Variants in SLC25A24 observed in about 807,000 individuals in gnomAD.
SLC25A24 encodes solute carrier family 25 member 24, also known as mitochondrial adenyl nucleotide antiporter SLC25A24.
In SLC25A24, 49 loss-of-function variants were observed where a neutral mutation model predicts 60.7. The observed-to-expected ratio is 0.81, with a 90% CI of 0.64 to 1.02. The LOEUF is 1.02. Among genes scored for constraint, SLC25A24 ranks in the 50% least tolerant of loss-of-function variants. SLC25A24 has a pLI of 0.00. For missense variants in SLC25A24, 564 were observed against 586.3 expected (o/e 0.96, Z 0.39); for synonymous variants, 202 against 200.6 (o/e 1.01, Z -0.06).
chr1:108,145,437 T>C (rs909003126), intron 7 of SLC25A24, among the ~76,000 whole-genome samples: 2 of 152,230 alleles, frequency 1.3e-5, no homozygotes, highest in African/African-American at 4.8e-5. Flanking sequence ...TTTGTCAATT[T>C]TGGCTTTTGT....
rs1558031912 is a variant in SLC25A24, at chr1:108,200,319, C to G, written c.-181G>C. On this transcript the variant is annotated 5_prime_UTR_variant, in exon 1 of 10. Transcript: ENST00000565488. Reference sequence around the variant, plus strand: ...AGGGCGCAGGAGCGGAGACCCCACCCGAGCCCGCGCGGAGCGCAGGGTGTG... The same window carrying G: ...AGGGCGCAGGAGCGGAGACCCCACCGGAGCCCGCGCGGAGCGCAGGGTGTG... 4 of 393,920 alleles carry G rather than the reference C, an allele frequency of 1.0e-5. No homozygotes were observed. Among genetic ancestry groups the G allele is most frequent in the Non-Finnish European group, 1.7e-5 (4 of 240,930 alleles). The allele number at this position is 393,920 out of a possible 1,614,324, so 24.4% of individuals were successfully genotyped here.
At chr1:108,161,875 C>T (rs1367377583) in intron 3 of SLC25A24, among the ~76,000 whole-genome samples, 1 of 151,542 alleles carries the variant, frequency 6.6e-6, no homozygotes, top group South Asian at 2.1e-4. Flanking sequence ...TATACATGTG[C>T]CTTGCTGGTG....
At chr1:108,150,413 A>G (rs1679724950) in intron 6 of SLC25A24, among the ~76,000 whole-genome samples, 1 of 152,168 alleles carries the variant, frequency 6.6e-6, no homozygotes, top group African/African-American at 2.4e-5. Flanking sequence ...TACAGAACTG[A>G]ACCTTCCTAA....
intron 3 of SLC25A24, among the ~76,000 whole-genome samples, chr1:108,162,194 T>C (rs557086332): frequency 6.6e-6 from 1 of 152,060 alleles, no homozygotes; most frequent in South Asian, 2.1e-4. Flanking sequence ...AGTCTATCAT[T>C]GTTGGACATT....
chr1:108,160,085 G>A (rs561717525), intron 4 of SLC25A24, among the ~76,000 whole-genome samples: 3,994 of 151,362 alleles, frequency 0.026, 189 homozygotes, highest in African/African-American at 0.093. Flanking sequence ...GTGGCTGGCC[G>A]GGCGGGGGGC....
At chr1:108,157,010 C>A (rs1413307813) in intron 5 of SLC25A24, among the ~76,000 whole-genome samples, 1 of 152,218 alleles carries the variant, frequency 6.6e-6, no homozygotes, top group Non-Finnish European at 1.5e-5. Flanking sequence ...CCCAATGCTA[C>A]ACTGCTAGTA....
intron 7 of SLC25A24, among the ~76,000 whole-genome samples, chr1:108,144,064 G>A (rs1329861820): frequency 6.6e-6 from 1 of 152,144 alleles, no homozygotes; most frequent in East Asian, 1.9e-4. Context: ...AACACAGGAT[G>A]GGGCAGTGGG....
At chr1:108,167,044 C>A (rs1027459676) in intron 3 of SLC25A24, among the ~76,000 whole-genome samples, 5 of 145,754 alleles carry the variant, frequency 3.4e-5, no homozygotes, top group Non-Finnish European at 7.5e-5. Context: ...GTTGGAGTAA[C>A]CGGCTGTGTG....
chr1:108,190,549 A>G (rs1320612661), intron 1 of SLC25A24, among the ~76,000 whole-genome samples: 1 of 152,106 alleles, frequency 6.6e-6, no homozygotes, highest in African/African-American at 2.4e-5. Flanking sequence ...ATTTTTATTT[A>G]TGGTCTGACC....
chr1:108,148,309 T>C lies in SLC25A24; in HGVS notation c.900A>G (p.Ala300=). 1 of 1,612,230 alleles carries C rather than the reference T, an allele frequency of 6.2e-7. No individual in the cohort carries two copies. The highest frequency in any genetic ancestry group is 8.5e-7 in the Non-Finnish European group (1 of 1,178,252). ...TTGGATATATAAAAGTCTGTGCAGTTGCTCCAGCCATGGAACCAGAAATAA... is the reference window on the plus strand; with the variant it reads ...TTGGATATATAAAAGTCTGTGCAGTCGCTCCAGCCATGGAACCAGAAATAA... ...ERFISGSMAG[A]TAQTFIYPME... is the part of the protein sequence containing the mutation. Residue 300 remains alanine (A), a synonymous_variant, in exon 7 of 10, where the codon GCA becomes GCG. Transcript: ENST00000565488.
rs1679266146 is a variant in SLC25A24, at chr1:108,135,786, G to C, written c.*867C>G. 6.6e-6 allele frequency: 1 copy of C among 152,564 alleles called. No homozygotes were observed. Among genetic ancestry groups the C allele is most frequent in the African/African-American group, 2.4e-5 (1 of 41,418 alleles). 9.5% of individuals were successfully genotyped at this position (152,564 alleles called of 1,614,324 possible). A position where few individuals can be genotyped will look rare whatever the true frequency, so the allele number is the denominator to read the frequency against. On this transcript the variant is annotated 3_prime_UTR_variant, in exon 10 of 10. Transcript: ENST00000565488. The stretch of plus-strand genomic sequence containing the variant: ...CATGCAATTAAAAAAGAAATTTCAG[G>C]TTACTAAGAATGGTCCCAAGAAGTC...
chr1:108,187,927 GATATATATATAT>G, intron 1 of SLC25A24, among the ~76,000 whole-genome samples: 1 of 95,774 alleles, frequency 1.0e-5, no homozygotes, highest in African/African-American at 4.2e-5. Flanking sequence ...AGACATTATA[GATATATATATAT>G]ATATATTCAT....
rs769969974 is a variant in SLC25A24 at position 108,192,508 on chromosome 1, T to TA, written c.184-6555dup. On this transcript the variant is annotated intron_variant, in intron 1 of 9. Coordinates refer to ENST00000565488, the MANE Select transcript of SLC25A24 (RefSeq NM_013386.5). ...CAGTGAGACCCACCTTCGCTTCCTC[T>TA]AGAGATTGAATGGCCCCTACATCCT... 9.4e-6 allele frequency: 14 copies of TA among 1,494,458 alleles called. 1 individual carries two copies. The highest frequency in any genetic ancestry group is 9.9e-6 in the Non-Finnish European group (11 of 1,110,744). The allele number at this position is 1,494,458 out of a possible 1,614,324, so 92.6% of individuals were successfully genotyped here.
chr1:108,166,823 G>A (rs1007590400), intron 3 of SLC25A24, among the ~76,000 whole-genome samples: 9 of 152,130 alleles, frequency 5.9e-5, no homozygotes, highest in Admixed American at 6.6e-5. Flanking sequence ...GCTTTGTTCC[G>A]TTGCTGGTGA....
intron 1 of SLC25A24, among the ~76,000 whole-genome samples, chr1:108,187,356 G>C (rs1648168510): frequency 6.6e-6 from 1 of 152,044 alleles, no homozygotes; most frequent in Non-Finnish European, 1.5e-5. Context: ...AAAAAGTAAT[G>C]AGAAAGAAAA....
chr1:108,149,511 G>T (rs894914357), intron 6 of SLC25A24, among the ~76,000 whole-genome samples: 2 of 152,176 alleles, frequency 1.3e-5, no homozygotes, highest in Non-Finnish European at 2.9e-5. Context: ...GTTAGTGCAG[G>T]TCTGAACACC....
intron 3 of SLC25A24, among the ~76,000 whole-genome samples, chr1:108,173,991 G>C (rs1000123048): frequency 1.3e-5 from 2 of 152,194 alleles, no homozygotes; most frequent in Non-Finnish European, 2.9e-5. Context: ...CATTCCACAG[G>C]AAGCAGAGGA....
chr1:108,187,927 G>GATAGATAGAT, intron 1 of SLC25A24, among the ~76,000 whole-genome samples: 9 of 95,770 alleles, frequency 9.4e-5, no homozygotes, highest in African/African-American at 2.1e-4. Context: ...AGACATTATA[G>GATAGATAGAT]ATATATATAT....
chr1:108,145,182 C>T (rs1679552422), intron 7 of SLC25A24, among the ~76,000 whole-genome samples: 1 of 152,116 alleles, frequency 6.6e-6, no homozygotes, highest in Admixed American at 6.5e-5. Flanking sequence ...GATGATGAGC[C>T]TTTTCTCACG....
Sources: allele counts gnomAD v4.1 joint callset (sites outside exome capture counted in the v4.1 genomes callset), GRCh38; gene constraint gnomAD v4.1.1; transcripts MANE v1.5; gene names NCBI Gene and HGNC (gene_info 2026-07-23, HGNC 2026-07-21).